Variants in RARB observed in about 807,000 individuals in gnomAD.
The protein encoded by RARB is HBV-activated protein.
A neutral mutation model predicts 51.9 loss-of-function variants in RARB; 17 were observed. That is an observed-to-expected ratio of 0.33 (90% CI 0.22 to 0.49). The LOEUF (loss-of-function observed/expected upper bound fraction) is 0.49. Ranked by LOEUF, RARB falls within the 20% of genes least tolerant of loss-of-function variation. The pLI is 0.99. For synonymous variants in RARB, 215 were observed against 195.4 expected (o/e 1.10, Z -0.84); for missense variants, 369 against 550.8 (o/e 0.67, Z 3.30).
At chr3:25,225,025 G>C (rs1702025231) in intron 5 of RARB, among the ~76,000 whole-genome samples, 1 of 152,056 alleles carries the variant, frequency 6.6e-6, no homozygotes, top group Non-Finnish European at 1.5e-5. Context: ...TATAAATCTA[G>C]ATTTATAAAA....
chr3:24,935,406 T>C (rs1478431091), intron 2 of RARB, among the ~76,000 whole-genome samples: 1 of 152,112 alleles, frequency 6.6e-6, no homozygotes, highest in Non-Finnish European at 1.5e-5. Flanking sequence ...TACAGCAGTA[T>C]ATGAAAATCT....
At chr3:25,109,046 T>C (rs1047762533) in intron 3 of RARB, among the ~76,000 whole-genome samples, 3 of 152,190 alleles carry the variant, frequency 2.0e-5, no homozygotes, top group African/African-American at 7.2e-5. Flanking sequence ...ATGTGATACC[T>C]AGCCTTTTAA....
chr3:25,081,098 T>C (rs1319238492), intron 3 of RARB, among the ~76,000 whole-genome samples: 1 of 152,150 alleles, frequency 6.6e-6, no homozygotes, highest in East Asian at 1.9e-4. Flanking sequence ...TAGACCAGTT[T>C]TCCTATGAGC....
At chr3:25,095,928 T>C (rs77655114) in intron 3 of RARB, among the ~76,000 whole-genome samples, 2,047 of 152,258 alleles carry the variant, frequency 0.013, 45 homozygotes, top group African/African-American at 0.047. Context: ...TCTTCCAAAC[T>C]GTTCAGCACT....
chr3:25,223,736 A>T (rs543072112), intron 5 of RARB, among the ~76,000 whole-genome samples: 1 of 152,360 alleles, frequency 6.6e-6, no homozygotes, highest in South Asian at 2.1e-4. Context: ...ATTAGTTACC[A>T]GTTATTGAGC....
At chr3:25,392,233 G>C (rs1045191791) in intron 5 of RARB, among the ~76,000 whole-genome samples, 1 of 152,056 alleles carries the variant, frequency 6.6e-6, no homozygotes, top group Non-Finnish European at 1.5e-5. Context: ...TCTCCATTTT[G>C]TTCCATTGGT....
At chr3:24,993,433 A>G (rs1029969916) in intron 2 of RARB, among the ~76,000 whole-genome samples, 3 of 152,176 alleles carry the variant, frequency 2.0e-5, no homozygotes, top group South Asian at 2.1e-4. Context: ...ACAAATAACA[A>G]TTGTACATAT....
intron 5 of RARB, among the ~76,000 whole-genome samples, chr3:25,298,744 A>G (rs944397439): frequency 4.6e-5 from 7 of 152,180 alleles, no homozygotes; most frequent in Non-Finnish European, 1.0e-4. Flanking sequence ...GGGGTTGAGG[A>G]TGAGAATTGG....
chr3:25,117,132 C>T (rs1402885064), intron 3 of RARB, among the ~76,000 whole-genome samples: 4 of 152,098 alleles, frequency 2.6e-5, no homozygotes, highest in Non-Finnish European at 5.9e-5. Context: ...GTGCTTAGCA[C>T]AGGGAATACA....
chr3:24,931,869 G>C (rs1695447123), intron 2 of RARB, among the ~76,000 whole-genome samples: 1 of 152,090 alleles, frequency 6.6e-6, no homozygotes, highest in African/African-American at 2.4e-5. Context: ...TGTTCACAAG[G>C]CCAGAGAGTG....
chr3:24,921,041 C>T (rs1695206202), intron 2 of RARB, among the ~76,000 whole-genome samples: 1 of 152,076 alleles, frequency 6.6e-6, no homozygotes, highest in African/African-American at 2.4e-5. Context: ...CCTACAAAAC[C>T]CAAGCAGGTA....
intron 4 of RARB, among the ~76,000 whole-genome samples, chr3:25,147,933 A>G (rs1050566314): frequency 7.9e-5 from 12 of 152,224 alleles, no homozygotes; most frequent in African/African-American, 2.9e-4. Context: ...TTGTGAGGCA[A>G]AAAGCCAACA....
chr3:25,300,160 C>T (rs1704006688), intron 5 of RARB, among the ~76,000 whole-genome samples: 1 of 152,210 alleles, frequency 6.6e-6, no homozygotes, highest in African/African-American at 2.4e-5. Flanking sequence ...GTTATCGCTG[C>T]TGCCATGTGT....
chr3:25,119,668 AAC>A (rs1224651662), intron 3 of RARB, among the ~76,000 whole-genome samples: 2 of 149,810 alleles, frequency 1.3e-5, no homozygotes, highest in African/African-American at 5.1e-5. Flanking sequence ...ACAAAAAAAA[AAC>A]AACAACAAAA....
chr3:25,524,189 C>G (rs1698535634), intron 3 of RARB, among the ~76,000 whole-genome samples: 1 of 152,172 alleles, frequency 6.6e-6, no homozygotes, highest in Non-Finnish European at 1.5e-5. Flanking sequence ...AACAAACATG[C>G]ACTTTCTGAG....
At chr3:25,432,877 C>T (rs1164997407) in intron 1 of RARB, among the ~76,000 whole-genome samples, 3 of 152,074 alleles carry the variant, frequency 2.0e-5, no homozygotes, top group Non-Finnish European at 4.4e-5. Flanking sequence ...GATGTAAAAA[C>T]CAAGATGCAA....
intron 1 of RARB, among the ~76,000 whole-genome samples, chr3:25,445,465 G>C (rs1708887655): frequency 6.6e-6 from 1 of 152,076 alleles, no homozygotes; most frequent in Admixed American, 6.5e-5. Flanking sequence ...AGGAGTTCAA[G>C]ACCAGCCTGG....
intron 5 of RARB, among the ~76,000 whole-genome samples, chr3:25,358,179 T>C (rs963981092): frequency 3.3e-5 from 5 of 152,226 alleles, no homozygotes; most frequent in African/African-American, 4.8e-5. Context: ...GTAGTTCTCC[T>C]TGAAGAGGTC....
chr3:25,070,343 G>A (rs955451551), intron 3 of RARB, among the ~76,000 whole-genome samples: 14 of 152,172 alleles, frequency 9.2e-5, no homozygotes, highest in African/African-American at 2.9e-4. Context: ...TTTTGGGAGG[G>A]TAGGAGGGAA....
Sources: allele counts gnomAD v4.1 joint callset (sites outside exome capture counted in the v4.1 genomes callset), GRCh38; gene constraint gnomAD v4.1.1; transcripts MANE v1.5; gene names NCBI Gene and HGNC (gene_info 2026-07-23, HGNC 2026-07-21).